PLCB2: variants seen among roughly 807,000 people sequenced by gnomAD.
The protein encoded by PLCB2 is 1-phosphatidylinositol 4,5-bisphosphate phosphodiesterase beta-2.
Under a neutral mutation model 141.7 loss-of-function variants are expected in PLCB2, and 115 were observed. The observed-to-expected ratio is 0.81, with a 90% CI of 0.70 to 0.95. The LOEUF (loss-of-function observed/expected upper bound fraction) is 0.95, where lower values mean the gene tolerates loss of function less well. Among genes scored for constraint, PLCB2 ranks in the 40% least tolerant of loss-of-function variants. The pLI is 0.00. For synonymous variants in PLCB2, 603 were observed against 595.6 expected (o/e 1.01, Z -0.18); for missense variants, 1,403 against 1,541.1 (o/e 0.91, Z 1.50).
At position 40,290,830 on chromosome 15, in the gene PLCB2, G is replaced by A; in HGVS notation, c.3044C>T (p.Ser1015Phe). 6.2e-7 allele frequency: 1 copy of A among 1,606,486 alleles called. No homozygotes were observed. The highest frequency in any genetic ancestry group is 1.1e-5 in the South Asian group (1 of 90,870). ...CTCTCTGGCCAGCTCCATCATTTTG[G>A]AGATTTGCTGCAGGGAGAGGAAGTA... ...RKEQHVAEQISKMMELAREKQ... is the reference protein window; with the variant it reads ...RKEQHVAEQIFKMMELAREKQ... The change falls in exon 28 of 32, where the codon TCC (serine) becomes TTC (phenylalanine). Residue 1015 changes from serine (S) to phenylalanine (F), a missense_variant. By Grantham distance (155) the Ser-to-Phe change is radical. Transcript: ENST00000260402.
At chr15:40,292,220 C>A (rs1175507781) in intron 22 of PLCB2, 62 bp from the exon 23 acceptor site, 2 of 1,522,864 alleles carry the variant, frequency 1.3e-6, no homozygotes, top group Non-Finnish European at 1.8e-6. Flanking sequence ...GAAGTCTCCC[C>A]TGTCCTCACC....
chr15:40,289,013 A>G (rs998424994), intron 31 of PLCB2, 95 bp from the exon 32 acceptor site: 26 of 1,516,518 alleles, frequency 1.7e-5, no homozygotes, highest in Non-Finnish European at 2.3e-5. Flanking sequence ...CCCAATATCC[A>G]TGTTCGGAGC....
At position 40,298,573 on chromosome 15, in the gene PLCB2, G is replaced by T; in HGVS notation, c.986C>A (p.Thr329Asn). 6.2e-7 allele frequency: 1 copy of T among 1,614,256 alleles called. No individual in the cohort carries two copies. The highest frequency in any genetic ancestry group is 8.5e-7 in the Non-Finnish European group (1 of 1,180,046). The change falls in exon 10 of 32, where the codon ACC becomes AAC. Residue 329 changes from threonine (T) to asparagine (N), a missense_variant. Thr to Asn is a moderately conservative substitution (Grantham distance 65). Transcript: ENST00000260402. ...TTATCAGGGCCCACCTGTCAGGTAG[G>T]TGTTGTGGGACGAGTTGATGAAGTA... ...NHYFINSSHN[T>N]YLTAGQFSGL...
At chr15:40,285,911 G>A (rs923781507), downstream of PLCB2, 4 of 985,328 alleles carry the variant, frequency 4.1e-6, no homozygotes, top group African/African-American at 1.7e-5. Context: ...CTGTTCCTCC[G>A]TGGTGGATTG....
In PLCB2 at chr15:40,290,854, T is replaced by C; in HGVS notation, c.3037-17A>G. On this transcript the variant is annotated splice_polypyrimidine_tract_variant and intron_variant, in intron 27 of 31. Transcript: ENST00000260402. ...GGAGATTTGCTGCAGGGAGAGGAAGTAAGCTTGGCGAGAAGCCCTTTGTTG... is the reference window on the plus strand; with the variant it reads ...GGAGATTTGCTGCAGGGAGAGGAAGCAAGCTTGGCGAGAAGCCCTTTGTTG... 3 of 1,607,046 alleles carry C rather than the reference T, an allele frequency of 1.9e-6. No individual in the cohort carries two copies. Among genetic ancestry groups the C allele is most frequent in the Non-Finnish European group, 2.5e-6 (3 of 1,178,066 alleles).
intron 13 of PLCB2, 47 bp from the exon 14 acceptor site, chr15:40,296,955 A>T: frequency 6.2e-7 from 1 of 1,602,692 alleles, no homozygotes. Context: ...CCTTCATGGC[A>T]TAGCCTGAGC....
chr15:40,294,928 G>A lies in PLCB2; in HGVS notation c.1906+8C>T. ...GAAGGATTCTTAGGGGCCTGGGAAT[G>A]CCCTCACCCATCGTCTGGAAGTTGA... On this transcript the variant is annotated splice_region_variant and intron_variant, in intron 18 of 31. Transcript: ENST00000260402. The A allele has an allele frequency of 1.2e-6, 2 of 1,614,058 alleles. No individual in the cohort carries two copies. The highest frequency in any genetic ancestry group is 1.7e-6 in the Non-Finnish European group (2 of 1,179,946).
chr15:40,296,295 C>A lies in PLCB2; in HGVS notation c.1696+1G>T. The A allele has an allele frequency of 6.2e-7, 1 of 1,610,846 alleles. No homozygotes were observed. The highest frequency in any genetic ancestry group is 8.5e-7 in the Non-Finnish European group (1 of 1,177,836). ...CCCGTAAGTTACTCATGCTAACTTA[C>A]GGGCAGAGAACTCAAAGGAGACGAA... On this transcript the variant is annotated splice_donor_variant, in intron 16 of 31. Coordinates refer to ENST00000260402, the MANE Select transcript of PLCB2 (RefSeq NM_004573.3). LOFTEE classifies it high-confidence loss of function.
intron 18 of PLCB2, 101 bp from the exon 19 acceptor site, chr15:40,294,521 G>T: frequency 7.9e-7 from 1 of 1,266,884 alleles, no homozygotes; most frequent in Non-Finnish European, 1.1e-6. Flanking sequence ...TGAATGGGGA[G>T]GTTGGGTGGA....
At position 40,288,862 on chromosome 15, in the gene PLCB2, C is replaced by T; in HGVS notation, c.3411G>A (p.Glu1137=). The change falls in exon 32 of 32, where the codon GAG becomes GAA. Residue 1137 remains glutamate, a synonymous_variant. Coordinates refer to ENST00000260402, the MANE Select transcript of PLCB2 (RefSeq NM_004573.3). ...GGCAGGCCCTCACCGACTCCTTCAC[C>T]TCTGCCTCCAGACCCTTCATCCTGG... The part of the protein sequence containing the change: ...YEARMKGLEA[E]VKESVRACLR... The T allele has an allele frequency of 1.2e-6, 2 of 1,614,110 alleles. No homozygotes were observed. The highest frequency in any genetic ancestry group is 1.7e-6 in the Non-Finnish European group (2 of 1,180,022).
chr15:40,307,143 C>T (rs2040837550), intron 1 of PLCB2, among the ~76,000 whole-genome samples: 1 of 152,166 alleles, frequency 6.6e-6, no homozygotes, highest in African/African-American at 2.4e-5. Flanking sequence ...AGCAAGGCTT[C>T]CCTGGACAGG....
intron 1 of PLCB2, among the ~76,000 whole-genome samples, chr15:40,304,999 A>G (rs780209293): frequency 6.6e-6 from 1 of 152,192 alleles, no homozygotes; most frequent in Non-Finnish European, 1.5e-5. Context: ...ATGTTCTCAG[A>G]TCAGAGGTGG....
intron 7 of PLCB2, chr15:40,301,595 T>C (rs1305269241): frequency 1.4e-6 from 1 of 702,996 alleles, no homozygotes; most frequent in South Asian, 1.5e-5. Flanking sequence ...GCCGACCTTA[T>C]CTCGCTCCTC....
intron 7 of PLCB2, chr15:40,301,570 C>T: frequency 4.3e-6 from 3 of 703,030 alleles, no homozygotes; most frequent in Non-Finnish European, 7.8e-6. Context: ...TCCCTGCAGA[C>T]TGCCGCCTGC....
rs1412515493 is a variant in PLCB2, at chr15:40,292,132, T to C, written c.2458A>G (p.Ile820Val). The C allele has an allele frequency of 1.2e-6, 2 of 1,613,988 alleles. No individual in the cohort carries two copies. Among genetic ancestry groups the C allele is most frequent in the East Asian group, 4.5e-5 (2 of 44,892 alleles). ...ADLTVALANPIKFFSAHDTKS... is the reference protein window; with the variant it reads ...ADLTVALANPVKFFSAHDTKS... ...GTGTCATGGGCACTGAAGAACTTAATGGGGTTGGCGAGGGCCACAGTGAGA... is the reference window on the plus strand; with the variant it reads ...GTGTCATGGGCACTGAAGAACTTAACGGGGTTGGCGAGGGCCACAGTGAGA... The change falls in exon 23 of 32, where the codon ATT becomes GTT. Residue 820 changes from isoleucine (I) to valine (V), a missense_variant. Around this residue, in one of 4 missense-constraint regions of PLCB2, gnomAD observed 975 missense variants for 1,141.1 expected, o/e 0.85. Transcript: ENST00000260402.
At chr15:40,301,643 C>T (rs1383619889) in intron 7 of PLCB2, 2 of 703,012 alleles carry the variant, frequency 2.8e-6, no homozygotes, top group South Asian at 1.5e-5. Flanking sequence ...CCATTCCCAA[C>T]ACTAGACTGG....
At position 40,293,033 on chromosome 15, in the gene PLCB2, G is replaced by T. The variant is rs1335159034; in HGVS notation, c.2227-8C>A. ...CAGCTCAGGCATCAAGATCTGGGGA[G>T]AGTTGGGGACATGACAGGCTGGGAG... On this transcript the variant is annotated splice_polypyrimidine_tract_variant and splice_region_variant and intron_variant, in intron 20 of 31. Coordinates refer to ENST00000260402, the MANE Select transcript of PLCB2 (RefSeq NM_004573.3). 21 of 1,575,392 alleles carry T rather than the reference G, an allele frequency of 1.3e-5. 1 individual carries two copies. The highest frequency in any genetic ancestry group is 1.8e-5 in the Non-Finnish European group (21 of 1,154,724).
At chr15:40,296,725 C>T in intron 14 of PLCB2, 21 bp downstream of exon 14, 1 of 1,610,728 alleles carries the variant, frequency 6.2e-7, no homozygotes, top group Non-Finnish European at 8.5e-7. Context: ...ATACCCCCCA[C>T]CATAGTCCTC....
rs781121130 is a variant in PLCB2, at chr15:40,298,779, G to A, written c.850+19C>T. The A allele has an allele frequency of 3.1e-6, 5 of 1,610,984 alleles. No individual in the cohort carries two copies. Among genetic ancestry groups the A allele is most frequent in the Non-Finnish European group, 3.4e-6 (4 of 1,177,650 alleles). On this transcript the variant is annotated intron_variant, in intron 9 of 31. Coordinates refer to ENST00000260402, the MANE Select transcript of PLCB2 (RefSeq NM_004573.3). Reference sequence around the variant, plus strand: ...GCAGGACAGGACCACAGGGGACAAGGGGTTCCCTTAGTCCTCACCCCTCTG... The same window carrying A: ...GCAGGACAGGACCACAGGGGACAAGAGGTTCCCTTAGTCCTCACCCCTCTG...
Sources: allele counts gnomAD v4.1 joint callset (sites outside exome capture counted in the v4.1 genomes callset), GRCh38; gene constraint gnomAD v4.1.1; regional missense constraint gnomAD v4.1.1; transcripts MANE v1.5; gene names NCBI Gene and HGNC (gene_info 2026-07-23, HGNC 2026-07-21).